STRA6: variants seen among roughly 807,000 people sequenced by gnomAD.
STRA6 encodes the protein receptor for retinol uptake STRA6.
In STRA6, 48 loss-of-function variants were observed where a neutral mutation model predicts 83.6. The ratio of observed to expected loss-of-function variants is 0.57; its 90% CI spans 0.46 to 0.73. The LOEUF (loss-of-function observed/expected upper bound fraction) is 0.73. STRA6 is among the 30% of genes least tolerant of loss of function. The pLI is 0.00. For synonymous variants in STRA6, 353 were observed against 362.3 expected (o/e 0.97, Z 0.29); for missense variants, 760 against 838.8 (o/e 0.91, Z 1.16).
At chr15:74,207,549 C>CA (rs1159223528), upstream of STRA6, 3 of 737,504 alleles carry the variant, frequency 4.1e-6, no homozygotes, top group African/African-American at 3.5e-5. Context: ...GCTCTCCACC[C>CA]TCCCATCTCA....
In STRA6 at chr15:74,190,994, G is replaced by A. The variant is rs1281966225; in HGVS notation, c.866-93C>T. On this transcript the variant is annotated intron_variant, in intron 10 of 18. Coordinates refer to ENST00000395105, the MANE Select transcript of STRA6 (RefSeq NM_022369.4). ...AAGGGGCCCAGGAAAAGGGCCAGCA[G>A]GACCCTAAATGACCAAGGCCAGGCC... 4 of 1,591,946 alleles carry A rather than the reference G, an allele frequency of 2.5e-6. No homozygotes were observed. The African/African-American group carries it at 4.0e-5, about 16-fold the overall frequency.
chr15:74,208,811 C>T lies in STRA6; in HGVS notation c.-27G>A, dbSNP rs1468369430. The T allele has an allele frequency of 2.7e-5, 27 of 988,996 alleles. No homozygotes were observed. The Admixed American group carries it at 1.2e-3, about 43-fold the overall frequency. 61.3% of individuals were successfully genotyped at this position (988,996 alleles called of 1,614,324 possible). A position where few individuals can be genotyped will look rare whatever the true frequency, so the allele number is the denominator to read the frequency against. On this transcript the variant is annotated 5_prime_UTR_variant, in exon 1 of 19. Transcript: ENST00000323940. ...TGGCTCCAGCCTACCTCCAATCAAG[C>T]GCTCTCCTGACCTCTCCCTTCCTTG...
At chr15:74,204,336 G>A (rs1056339884), upstream of STRA6, among the ~76,000 whole-genome samples, 4 of 152,224 alleles carry the variant, frequency 2.6e-5, no homozygotes, top group Non-Finnish European at 5.9e-5. Context: ...AGGGACTTCA[G>A]AAATTGAGCT....
At chr15:74,181,041 C>A in intron 17 of STRA6, 104 bp from the exon 18 acceptor site, 1 of 1,496,018 alleles carries the variant, frequency 6.7e-7, no homozygotes, top group African/African-American at 1.4e-5. Context: ...GCACTCCCTG[C>A]ATCCAAGCAT....
chr15:74,181,214 C>T, intron 17 of STRA6, 81 bp downstream of exon 17: 1 of 1,574,062 alleles, frequency 6.4e-7, no homozygotes, highest in Admixed American at 1.8e-5. Context: ...GATCAGCTGG[C>T]ACGGCCCTGG....
intron 3 of STRA6, 23 bp downstream of exon 3, chr15:74,197,729 G>A: frequency 6.2e-7 from 1 of 1,612,394 alleles, no homozygotes; most frequent in Non-Finnish European, 8.5e-7. Context: ...TTGCAAGCCA[G>A]GTTCAACTTG....
intron 18 of STRA6, 120 bp from the exon 19 acceptor site, chr15:74,180,363 T>C: frequency 7.8e-7 from 1 of 1,289,024 alleles, no homozygotes; most frequent in Non-Finnish European, 1.1e-6. Context: ...AGGCTTAGGA[T>C]GTCCCCTGCA....
upstream of STRA6, among the ~76,000 whole-genome samples, chr15:74,206,405 T>C (rs921944104): frequency 1.3e-5 from 2 of 152,160 alleles, no homozygotes; most frequent in Admixed American, 6.5e-5. Context: ...GAGGCTCGGC[T>C]CTGAGCTGTT....
rs79594698 is a variant in STRA6 at position 74,191,793 on chromosome 15, C to T, written c.721-302G>A. 2.5e-3 allele frequency: 1,221 copies of T among 489,964 alleles called. 29 individuals carry two copies. In the East Asian group the frequency reaches 0.041, roughly 17 times the overall value. 30.4% of individuals were successfully genotyped at this position (489,964 alleles called of 1,614,324 possible). On this transcript the variant is annotated intron_variant, in intron 8 of 18. Transcript: ENST00000395105. ...GCTTTACTCAGTCACATCTCTTCAC[C>T]GTTTCTTCCCACCCCTAGCCCTCTG... is the stretch of plus-strand genomic sequence containing the variant.
upstream of STRA6, among the ~76,000 whole-genome samples, chr15:74,204,665 G>A (rs945195494): frequency 6.6e-6 from 1 of 152,228 alleles, no homozygotes; most frequent in East Asian, 1.9e-4. Context: ...AGGTGTGGTG[G>A]CTTACACTTG....
At chr15:74,211,036 A>G, upstream of STRA6, among the ~76,000 whole-genome samples, 1 of 152,026 alleles carries the variant, frequency 6.6e-6, no homozygotes, top group Non-Finnish European at 1.5e-5. Flanking sequence ...TGTACCCCAG[A>G]CTCCAACACA....
intron 7 of STRA6, 59 bp from the exon 8 acceptor site, chr15:74,193,981 A>C: frequency 5.0e-6 from 8 of 1,601,220 alleles, no homozygotes; most frequent in Non-Finnish European, 6.0e-6. Flanking sequence ...GCCAAGAACC[A>C]GAATCCGTTG....
At chr15:74,209,442 A>ACCGGATCTGCATCCTG, upstream of STRA6, 5 of 1,535,334 alleles carry the variant, frequency 3.3e-6, no homozygotes, top group Non-Finnish European at 4.4e-6. Context: ...GCTCTTAATA[A>ACCGGATCTGCATCCTG]CCGGATCTGC....
At chr15:74,202,909 G>A, upstream of STRA6, 1 of 990,904 alleles carries the variant, frequency 1.0e-6, no homozygotes, top group Non-Finnish European at 1.2e-6. Flanking sequence ...CCCCCCTCCT[G>A]GGGGAGGAGG....
chr15:74,196,575 T>C (rs2073832961), intron 4 of STRA6, among the ~76,000 whole-genome samples: 1 of 152,200 alleles, frequency 6.6e-6, no homozygotes, highest in South Asian at 2.1e-4. Flanking sequence ...GCATCACCCT[T>C]CTGGGCTCAG....
chr15:74,186,305 A>G (rs1156895342), intron 12 of STRA6, among the ~76,000 whole-genome samples: 6 of 152,226 alleles, frequency 3.9e-5, no homozygotes, highest in African/African-American at 1.4e-4. Context: ...TTGGGTGCCT[A>G]CTACAGTGGT....
chr15:74,184,943 C>G, intron 13 of STRA6, 37 bp downstream of exon 13: 1 of 1,605,512 alleles, frequency 6.2e-7, no homozygotes. Context: ...ACTCCTTCCC[C>G]ACCTCGGCGC....
Position 74,191,503 on chromosome 15 carries a change from G to A in STRA6, c.721-12C>T, listed in dbSNP as rs762400493. 2 of 1,613,332 alleles carry A rather than the reference G, an allele frequency of 1.2e-6. No individual in the cohort carries two copies. Among genetic ancestry groups the A allele is most frequent in the Non-Finnish European group, 1.7e-6 (2 of 1,179,294 alleles). On this transcript the variant is annotated splice_polypyrimidine_tract_variant and intron_variant, in intron 8 of 18. Transcript: ENST00000395105. ...CTGCTCTGCAGCCCCTGTGGAGACA[G>A]ACAATTGAACAAGCAGATGAGATCT...
At chr15:74,205,755 C>G (rs1431218992), upstream of STRA6, among the ~76,000 whole-genome samples, 4 of 152,204 alleles carry the variant, frequency 2.6e-5, no homozygotes, top group Non-Finnish European at 4.4e-5. Context: ...CCCCACCCCC[C>G]ACGGAGAGCC....
Sources: gnomAD v4.1 joint callset for allele counts (sites outside exome capture counted in the v4.1 genomes callset) on GRCh38, gnomAD v4.1.1 for gene constraint, MANE v1.5 for transcripts, NCBI Gene and HGNC (gene_info 2026-07-23, HGNC 2026-07-21) for gene names.